Variants in NREP observed in about 807,000 individuals in gnomAD.
The protein encoded by NREP is neuronal regeneration-related protein.
NREP carries 5 observed loss-of-function variants against 8.6 expected under a neutral mutation model. The observed-to-expected ratio is 0.58, with a 90% CI of 0.30 to 1.22. The LOEUF is 1.22. Among genes scored for constraint, NREP ranks in the 50% most tolerant of loss-of-function variants. The probability of loss-of-function intolerance (pLI) is 0.07; values close to 1 mark genes in which losing one functional copy is unlikely to be tolerated. For synonymous variants in NREP, 27 were observed against 28.0 expected (o/e 0.96, Z 0.11); for missense variants, 86 against 82.5 (o/e 1.04, Z -0.17).
upstream of NREP, chr5:111,757,648 C>T (rs966355194): frequency 1.7e-4 from 163 of 983,178 alleles, 1 homozygote; most frequent in African/African-American, 2.7e-3. Context: ...GCCCCGGGCG[C>T]CCCGCTCGCC....
chr5:111,844,171 A>C (rs1197080825), intron 2 of NREP, among the ~76,000 whole-genome samples: 1 of 152,300 alleles, frequency 6.6e-6, no homozygotes, highest in Non-Finnish European at 1.5e-5. Flanking sequence ...AAGTGAAAAA[A>C]GAATGCTACT....
intron 2 of NREP, among the ~76,000 whole-genome samples, chr5:111,801,838 G>C (rs1752015643): frequency 6.6e-6 from 1 of 152,152 alleles, no homozygotes; most frequent in Non-Finnish European, 1.5e-5. Context: ...ATGACAAGTT[G>C]AGAAAGACAG....
intron 2 of NREP, among the ~76,000 whole-genome samples, chr5:111,754,888 C>G (rs994968057): frequency 5.9e-5 from 9 of 152,144 alleles, no homozygotes; most frequent in Admixed American, 6.5e-5. Context: ...ATTCCACCCT[C>G]GTTTCAAAGA....
intron 2 of NREP, among the ~76,000 whole-genome samples, chr5:111,922,574 T>C (rs1377962074): frequency 6.6e-6 from 1 of 152,128 alleles, no homozygotes; most frequent in Non-Finnish European, 1.5e-5. Context: ...GAAGAAGCCA[T>C]CTGTTGAGGG....
intron 2 of NREP, among the ~76,000 whole-genome samples, chr5:111,768,781 G>A (rs1270000894): frequency 1.3e-5 from 2 of 152,174 alleles, no homozygotes; most frequent in Non-Finnish European, 2.9e-5. Context: ...CACGTAGGTT[G>A]AGTCCACGTC....
intron 2 of NREP, 95 bp from the exon 3 acceptor site, chr5:111,735,602 G>T: frequency 1.2e-6 from 1 of 813,166 alleles, no homozygotes; most frequent in Non-Finnish European, 2.0e-6. Context: ...TCTCCTCAAT[G>T]GTTACTTATT....
At chr5:111,771,087 T>A (rs1024653319) in intron 2 of NREP, among the ~76,000 whole-genome samples, 15 of 152,344 alleles carry the variant, frequency 9.8e-5, no homozygotes, top group African/African-American at 3.1e-4. Context: ...ATAATTTTTT[T>A]CCTACAACTA....
At chr5:111,746,365 A>G (rs796926789) in intron 2 of NREP, among the ~76,000 whole-genome samples, 4 of 152,168 alleles carry the variant, frequency 2.6e-5, no homozygotes, top group African/African-American at 7.2e-5. Flanking sequence ...AGTAAAAAAA[A>G]TATGCAAGGC....
intron 2 of NREP, among the ~76,000 whole-genome samples, chr5:111,856,985 C>T (rs1561696039): frequency 6.6e-6 from 1 of 152,052 alleles, no homozygotes; most frequent in African/African-American, 2.4e-5. Flanking sequence ...GCTTTTGTTT[C>T]TGTATGTTTC....
intron 2 of NREP, among the ~76,000 whole-genome samples, chr5:111,781,954 C>G (rs1018844049): frequency 2.0e-5 from 3 of 152,130 alleles, no homozygotes; most frequent in African/African-American, 7.2e-5. Flanking sequence ...AAAATTTACT[C>G]TGGTTTTTGC....
At chr5:111,800,311 C>A (rs781253792) in intron 2 of NREP, among the ~76,000 whole-genome samples, 4 of 152,160 alleles carry the variant, frequency 2.6e-5, no homozygotes, top group Non-Finnish European at 5.9e-5. Flanking sequence ...GGGTTCAGGG[C>A]CAAAGGTTCA....
At chr5:111,753,625 C>G (rs980780489) in intron 2 of NREP, among the ~76,000 whole-genome samples, 18 of 151,780 alleles carry the variant, frequency 1.2e-4, no homozygotes, top group African/African-American at 3.9e-4. Context: ...AAATTAGATC[C>G]TCTTTAGCGT....
intron 2 of NREP, chr5:111,912,412 T>G (rs1010568891): frequency 2.6e-5 from 4 of 152,416 alleles, no homozygotes; most frequent in Non-Finnish European, 4.4e-5. Flanking sequence ...ACTACTAGTC[T>G]GTTTTCTATA....
chr5:111,836,648 C>A (rs1174305933), intron 2 of NREP, among the ~76,000 whole-genome samples: 1 of 151,906 alleles, frequency 6.6e-6, no homozygotes, highest in Non-Finnish European at 1.5e-5. Context: ...CCCAGAGCCC[C>A]AGAGAAGGGA....
At chr5:111,857,148 G>T (rs913183788) in intron 2 of NREP, among the ~76,000 whole-genome samples, 4 of 152,172 alleles carry the variant, frequency 2.6e-5, no homozygotes, top group Non-Finnish European at 5.9e-5. Flanking sequence ...TAGCCTGCAG[G>T]TTTCCCTGGA....
chr5:111,950,001 G>A (rs1426214697), intron 2 of NREP, among the ~76,000 whole-genome samples: 1 of 152,036 alleles, frequency 6.6e-6, no homozygotes, highest in Non-Finnish European at 1.5e-5. Flanking sequence ...TTGAGGAATT[G>A]CCATACTGTC....
intron 2 of NREP, among the ~76,000 whole-genome samples, chr5:111,930,617 AG>A (rs1314240243): frequency 6.6e-6 from 1 of 152,158 alleles, no homozygotes; most frequent in Non-Finnish European, 1.5e-5. Flanking sequence ...GACTAGAAGG[AG>A]GTCAAGGATT....
chr5:111,753,161 CA>C (rs905152616), intron 2 of NREP, among the ~76,000 whole-genome samples: 1 of 151,586 alleles, frequency 6.6e-6, no homozygotes, highest in African/African-American at 2.4e-5. Flanking sequence ...AACTAAGATA[CA>C]GCAAACTATA....
chr5:111,964,023 TA>T (rs1756557466), intron 2 of NREP, among the ~76,000 whole-genome samples: 1 of 152,170 alleles, frequency 6.6e-6, no homozygotes, highest in African/African-American at 2.4e-5. Flanking sequence ...ACCAGCCAAA[TA>T]AAGAATGAGA....
Sources: allele counts gnomAD v4.1 joint callset (sites outside exome capture counted in the v4.1 genomes callset), GRCh38; gene constraint gnomAD v4.1.1; transcripts MANE v1.5; gene names NCBI Gene and HGNC (gene_info 2026-07-23, HGNC 2026-07-21).